Variants in SLC35H1 observed in about 807,000 individuals in gnomAD.
SLC35H1 encodes the protein solute carrier family 35 member H1, also known as ovarian cancer-overexpressed gene 1 protein.
chr20:46,358,795 C>T, the SLC35H1 span: 1 of 1,319,168 alleles, frequency 7.6e-7, no homozygotes, highest in Admixed American at 2.0e-5. Context: ...TCTGGAGCCT[C>T]AGGCAGAGAC....
At chr20:46,351,067 C>G in the SLC35H1 span, among the ~76,000 whole-genome samples, 1 of 152,350 alleles carries the variant, frequency 6.6e-6, no homozygotes, top group East Asian at 1.9e-4. Flanking sequence ...GGCGCTGTCC[C>G]GCCAGCCTCC....
chr20:46,346,295 G>A, the SLC35H1 span: 3 of 152,308 alleles, frequency 2.0e-5, no homozygotes, highest in Non-Finnish European at 4.4e-5. Flanking sequence ...ACAAAGCAGG[G>A]GTGAAGGGAC....
the SLC35H1 span, chr20:46,348,249 A>G: frequency 6.6e-6 from 1 of 152,172 alleles, no homozygotes; most frequent in African/African-American, 2.4e-5. Flanking sequence ...ATTGAACCCA[A>G]CATGTGCGAG....
chr20:46,355,687 C>T, the SLC35H1 span: 9 of 1,498,554 alleles, frequency 6.0e-6, no homozygotes, highest in Non-Finnish European at 8.2e-6. The surrounding 1 kb of genome is among the most constrained non-coding windows in gnomAD (Gnocchi z 4.8). Flanking sequence ...TCTACTGCCA[C>T]CTGGACTGGG....
At chr20:46,350,474 C>CCAGGT in the SLC35H1 span, 3 of 1,613,230 alleles carry the variant, frequency 1.9e-6, no homozygotes, top group Middle Eastern at 1.6e-4. Flanking sequence ...AGCAGCAGCT[C>CCAGGT]CAGGTCGGGG....
the SLC35H1 span, among the ~76,000 whole-genome samples, chr20:46,351,501 T>G: frequency 6.6e-6 from 1 of 151,850 alleles, no homozygotes; most frequent in Non-Finnish European, 1.5e-5. Context: ...TGTTGAAATG[T>G]GTGGGAGGGA....
At chr20:46,352,259 G>A in the SLC35H1 span, 8 of 1,607,248 alleles carry the variant, frequency 5.0e-6, no homozygotes, top group Non-Finnish European at 6.8e-6. Context: ...GTGGGAGGCC[G>A]GGTCCTGGGC....
the SLC35H1 span, chr20:46,350,988 G>A: frequency 1.3e-6 from 2 of 1,500,650 alleles, no homozygotes; most frequent in Non-Finnish European, 1.8e-6. Context: ...ACTCAGGTGG[G>A]CAGATCAAGA....
chr20:46,361,792 C>T, the SLC35H1 span, among the ~76,000 whole-genome samples: 1 of 152,252 alleles, frequency 6.6e-6, no homozygotes, highest in Non-Finnish European at 1.5e-5. Flanking sequence ...GTGACAGGCA[C>T]TCACAGGACA....
At chr20:46,363,996 A>C in the SLC35H1 span, 20,407 of 151,982 alleles carry the variant, frequency 0.13, 2,154 homozygotes, top group African/African-American at 0.29. Flanking sequence ...ACCCCTCCCA[A>C]TCCTCGTGGC....
chr20:46,351,029 G>T, the SLC35H1 span: 1 of 1,173,404 alleles, frequency 8.5e-7, no homozygotes, highest in Non-Finnish European at 1.2e-6. Context: ...CAGGCAGGCA[G>T]AGAGGTCAGG....
the SLC35H1 span, chr20:46,347,404 C>T: frequency 1.3e-5 from 2 of 152,272 alleles, no homozygotes; most frequent in Non-Finnish European, 2.9e-5. Flanking sequence ...GTTCTTTCTT[C>T]CCCATTCCCC....
At chr20:46,355,717 A>G in the SLC35H1 span, 1 of 1,594,938 alleles carries the variant, frequency 6.3e-7, no homozygotes, top group Non-Finnish European at 8.5e-7. The surrounding 1 kb of genome is among the most constrained non-coding windows in gnomAD (Gnocchi z 4.8). Context: ...TCTGTCACAC[A>G]GCAGGACAAG....
the SLC35H1 span, chr20:46,349,114 C>CGTG: frequency 6.6e-6 from 1 of 152,270 alleles, no homozygotes; most frequent in Non-Finnish European, 1.5e-5. Context: ...TCTGGATAGC[C>CGTG]GTGGCAGGGC....
the SLC35H1 span, chr20:46,346,395 G>C: frequency 6.6e-6 from 1 of 152,222 alleles, no homozygotes; most frequent in African/African-American, 2.4e-5. Flanking sequence ...GGTGGTGGGA[G>C]GGAGCAGCCC....
the SLC35H1 span, chr20:46,351,999 C>G: frequency 7.6e-6 from 12 of 1,588,496 alleles, no homozygotes; most frequent in Admixed American, 1.7e-4. Context: ...GGTGAGAAAC[C>G]CCTGGGGGCT....
At chr20:46,351,853 T>C in the SLC35H1 span, among the ~76,000 whole-genome samples, 1 of 152,156 alleles carries the variant, frequency 6.6e-6, no homozygotes, top group Non-Finnish European at 1.5e-5. Context: ...GGAGTGATCA[T>C]ACCCTCTCAC....
the SLC35H1 span, among the ~76,000 whole-genome samples, chr20:46,358,195 T>G: frequency 6.6e-6 from 1 of 152,190 alleles, no homozygotes; most frequent in Admixed American, 6.5e-5. Flanking sequence ...TCTCCTTGGT[T>G]TCCCTGGATC....
At chr20:46,352,228 T>C in the SLC35H1 span, 4 of 1,613,946 alleles carry the variant, frequency 2.5e-6, no homozygotes, top group Non-Finnish European at 3.4e-6. Flanking sequence ...AATGGAGACC[T>C]GAAAGCAACA....
Sources: gnomAD v4.1 joint callset for allele counts (sites outside exome capture counted in the v4.1 genomes callset) on GRCh38, gnomAD v4.1.1 for gene constraint, Gnocchi (gnomAD v3.1) non-coding constraint, MANE v1.5 for transcripts, NCBI Gene and HGNC (gene_info 2026-07-23, HGNC 2026-07-21) for gene names.